The following PUM3 variants were observed in gnomAD, a reference collection of about 807,000 sequenced individuals.
The protein encoded by PUM3 is pumilio RNA binding family member 3.
In PUM3, 91 loss-of-function variants were observed where a neutral mutation model predicts 84.0. The observed-to-expected ratio is 1.08, with a 90% CI of 0.91 to 1.29. The LOEUF is 1.29. Ranked by LOEUF, PUM3 falls within the 50% of genes most tolerant of loss-of-function variation. PUM3 has a pLI of 0.00. For synonymous variants in PUM3, 321 were observed against 266.7 expected (o/e 1.20, Z -1.98); for missense variants, 1,067 against 767.5 (o/e 1.39, Z -4.61).
chr9:2,843,564 C>T (rs1287263324), intron 1 of PUM3, among the ~76,000 whole-genome samples: 2 of 150,178 alleles, frequency 1.3e-5, no homozygotes, highest in South Asian at 2.1e-4. Context: ...AGGTCGGAGT[C>T]CCGCCCTTCT....
At chr9:2,813,480 A>G (rs2129801507) in intron 13 of PUM3, among the ~76,000 whole-genome samples, 1 of 152,316 alleles carries the variant, frequency 6.6e-6, no homozygotes, top group East Asian at 1.9e-4. Flanking sequence ...CAGATGAGGC[A>G]TCCAGAAAGA....
At chr9:2,842,347 T>C (rs1387324058) in intron 1 of PUM3, among the ~76,000 whole-genome samples, 1 of 152,194 alleles carries the variant, frequency 6.6e-6, no homozygotes, top group East Asian at 1.9e-4. Context: ...GTCATTTCCA[T>C]GCTCCAATAG....
At chr9:2,831,805 A>T (rs2129865529) in intron 5 of PUM3, among the ~76,000 whole-genome samples, 1 of 152,350 alleles carries the variant, frequency 6.6e-6, no homozygotes, top group South Asian at 2.1e-4. Context: ...AAGTCTTCCT[A>T]AAGAAATAAA....
At chr9:2,831,068 T>C (rs750804843) in intron 6 of PUM3, 40 bp from the exon 7 acceptor site, 6 of 1,129,908 alleles carry the variant, frequency 5.3e-6, no homozygotes, top group Non-Finnish European at 7.8e-6. Context: ...TCAGATCTCA[T>C]TTCAGTTCTC....
chr9:2,832,597 G>A (rs1020667196), intron 5 of PUM3, among the ~76,000 whole-genome samples: 1 of 152,156 alleles, frequency 6.6e-6, no homozygotes, highest in Non-Finnish European at 1.5e-5. Context: ...TGTGACCTCA[G>A]GGTAGTTGAG....
chr9:2,821,442 T>G (rs1815621152), intron 12 of PUM3, among the ~76,000 whole-genome samples: 1 of 26,072 alleles, frequency 3.8e-5, no homozygotes, highest in African/African-American at 1.5e-4. Context: ...AGACTCTGTC[T>G]CAAAAAAAAA....
At chr9:2,823,176 A>C (rs546733266) in intron 12 of PUM3, among the ~76,000 whole-genome samples, 1 of 152,058 alleles carries the variant, frequency 6.6e-6, no homozygotes, top group Admixed American at 6.6e-5. Context: ...AAATTATTTA[A>C]TAACTAAAAA....
chr9:2,841,285 T>C (rs898694283), intron 1 of PUM3, among the ~76,000 whole-genome samples: 2 of 152,200 alleles, frequency 1.3e-5, no homozygotes, highest in African/African-American at 4.8e-5. Flanking sequence ...CAAAATACTT[T>C]TCCAAAGTTA....
intron 9 of PUM3, 104 bp from the exon 10 acceptor site, chr9:2,827,255 G>T: frequency 2.8e-6 from 2 of 706,256 alleles, no homozygotes; most frequent in Non-Finnish European, 2.3e-6. Flanking sequence ...CAAGTGAAAT[G>T]GTTTTACTGA....
intron 13 of PUM3, among the ~76,000 whole-genome samples, chr9:2,817,924 C>T (rs946966424): frequency 5.3e-5 from 8 of 152,176 alleles, no homozygotes; most frequent in Non-Finnish European, 7.4e-5. Context: ...GCTGTCAAAC[C>T]GTCTGCATAT....
intron 16 of PUM3, 118 bp from the exon 17 acceptor site, chr9:2,808,022 C>T (rs1418603694): frequency 5.2e-5 from 34 of 650,822 alleles, no homozygotes; most frequent in Non-Finnish European, 5.2e-6. Context: ...ACAAAAGTAG[C>T]TTTCACCCAA....
intron 13 of PUM3, among the ~76,000 whole-genome samples, chr9:2,815,281 C>T (rs1821448316): frequency 6.6e-6 from 1 of 152,194 alleles, no homozygotes; most frequent in Non-Finnish European, 1.5e-5. Flanking sequence ...TTTAATCCTT[C>T]CCCAGCTCAC....
At chr9:2,808,611 T>C (rs1821307457) in intron 16 of PUM3, among the ~76,000 whole-genome samples, 1 of 152,194 alleles carries the variant, frequency 6.6e-6, no homozygotes, top group Admixed American at 6.5e-5. Flanking sequence ...TACTATATAA[T>C]TCATTCAAAG....
chr9:2,837,708 G>C (rs1816165877), intron 2 of PUM3, among the ~76,000 whole-genome samples: 1 of 152,048 alleles, frequency 6.6e-6, no homozygotes, highest in Non-Finnish European at 1.5e-5. Flanking sequence ...TAAGCATATA[G>C]CAGAGCTATT....
At chr9:2,814,184 G>C (rs112173673) in intron 13 of PUM3, among the ~76,000 whole-genome samples, 1 of 151,498 alleles carries the variant, frequency 6.6e-6, no homozygotes, top group Non-Finnish European at 1.5e-5. Flanking sequence ...ACTCTCTCAA[G>C]GAAAACAAGC....
intron 17 of PUM3, among the ~76,000 whole-genome samples, chr9:2,807,442 A>C (rs1249872738): frequency 6.6e-6 from 1 of 151,568 alleles, no homozygotes; most frequent in African/African-American, 2.4e-5. Context: ...ACAAAAAATA[A>C]AAAAATAAAA....
At chr9:2,813,282 A>C (rs940285357) in intron 13 of PUM3, among the ~76,000 whole-genome samples, 5 of 152,216 alleles carry the variant, frequency 3.3e-5, no homozygotes, top group Non-Finnish European at 7.3e-5. Flanking sequence ...GTCACTTGAA[A>C]ATTTTTAAAA....
chr9:2,835,964 G>C (rs1816108808), intron 3 of PUM3, among the ~76,000 whole-genome samples: 1 of 152,050 alleles, frequency 6.6e-6, no homozygotes, highest in Admixed American at 6.5e-5. Context: ...AGAAAGATTT[G>C]GGATCTAGTA....
At chr9:2,805,214 A>G (rs1821235653) in intron 17 of PUM3, among the ~76,000 whole-genome samples, 1 of 152,202 alleles carries the variant, frequency 6.6e-6, no homozygotes, top group Non-Finnish European at 1.5e-5. Context: ...ACACTTAGTA[A>G]GCACTTAATA....
Sources: gnomAD v4.1 joint callset for allele counts (sites outside exome capture counted in the v4.1 genomes callset) on GRCh38, gnomAD v4.1.1 for gene constraint, MANE v1.5 for transcripts, NCBI Gene and HGNC (gene_info 2026-07-23, HGNC 2026-07-21) for gene names.